Variants in TBATA observed in about 807,000 individuals in gnomAD.
TBATA encodes thymus, brain and testes associated, also known as protein TBATA.
TBATA carries 47 observed loss-of-function variants against 38.7 expected under a neutral mutation model. The observed-to-expected ratio is 1.21, with a 90% CI of 0.96 to 1.55. The LOEUF is 1.55. Ranked by LOEUF, TBATA falls within the 40% of genes most tolerant of loss-of-function variation. TBATA has a pLI of 0.00. For synonymous variants in TBATA, 183 were observed against 170.5 expected (o/e 1.07, Z -0.57); for missense variants, 436 against 435.6 (o/e 1.00, Z -0.01).
intron 6 of TBATA, 73 bp from the exon 7 acceptor site, chr10:70,777,411 G>A: frequency 1.4e-6 from 2 of 1,415,676 alleles, no homozygotes; most frequent in Non-Finnish European, 1.9e-6. Context: ...GAGGAGAGGA[G>A]CAGGAGGCCG....
chr10:70,778,904 A>G (rs1431686671), intron 5 of TBATA: 37 of 546,304 alleles, frequency 6.8e-5, no homozygotes, highest in Non-Finnish European at 1.0e-4. Context: ...TGGCATTTCT[A>G]GGGGATGCTG....
At chr10:70,777,662 G>C (rs1843601155) in intron 6 of TBATA, 3 of 403,026 alleles carry the variant, frequency 7.4e-6, no homozygotes, top group Non-Finnish European at 9.4e-6. Flanking sequence ...GCCCGCGGGT[G>C]GTTCTCGTTC....
At position 70,783,357 on chromosome 10, in the gene TBATA, G is replaced by A; in HGVS notation, c.23C>T (p.Ala8Val). 6.2e-7 allele frequency: 1 copy of A among 1,614,150 alleles called. No individual in the cohort carries two copies. The highest frequency in any genetic ancestry group is 8.5e-7 in the Non-Finnish European group (1 of 1,180,020). The stretch of plus-strand genomic sequence containing the variant: ...GCCTCACCTCATCAGTGGATAATCA[G>A]CCAATTGAACATCTGTAGCCATTGT... MATDVQLADYPLMSPKAE... is the reference protein window; with the variant it reads MATDVQLVDYPLMSPKAE... Residue 8 changes from alanine to valine, a missense_variant, in exon 3 of 11, where the codon GCT becomes GTT. Physicochemically the swap from Ala to Val is moderately conservative, Grantham distance 64. Coordinates refer to ENST00000456372, the MANE Select transcript of TBATA (RefSeq NM_001318241.2).
At chr10:70,772,719 G>T (rs1336837251) in intron 9 of TBATA, among the ~76,000 whole-genome samples, 153 bp from the exon 10 acceptor site, 2 of 152,114 alleles carry the variant, frequency 1.3e-5, no homozygotes, top group Non-Finnish European at 2.9e-5. Flanking sequence ...TGGAGGGCCA[G>T]AAAACATCTG....
intron 6 of TBATA, chr10:70,777,615 C>T: frequency 4.0e-6 from 2 of 501,780 alleles, no homozygotes; most frequent in South Asian, 4.2e-5. Flanking sequence ...AAAGCTCTTC[C>T]TCCTGGAACT....
chr10:70,775,125 C>A (rs1347729132), intron 8 of TBATA, 64 bp downstream of exon 8: 2 of 1,486,662 alleles, frequency 1.3e-6, no homozygotes, highest in African/African-American at 1.4e-5. Flanking sequence ...CCTGCAGAAC[C>A]AGAGATCAAG....
At chr10:70,775,104 G>A (rs763915869) in intron 8 of TBATA, 85 bp downstream of exon 8, 20 of 1,339,686 alleles carry the variant, frequency 1.5e-5, no homozygotes, top group Non-Finnish European at 2.1e-5. Flanking sequence ...GGAGCTGAGG[G>A]ACATTTGAGT....
chr10:70,778,686 C>T (rs67842825), intron 5 of TBATA, 50 bp from the exon 6 acceptor site: 123,642 of 1,534,636 alleles, frequency 0.081, 5,553 homozygotes, highest in African/African-American at 0.092. Context: ...GGCCCTCCTC[C>T]CCTCCCTGTG....
At chr10:70,778,403 T>G in intron 6 of TBATA, 154 bp downstream of exon 6, 1 of 788,656 alleles carries the variant, frequency 1.3e-6, no homozygotes, top group Admixed American at 1.8e-5. Context: ...CTAGGTGTGC[T>G]CTCTCCCTCA....
Position 70,779,604 on chromosome 10 carries a change from T to TG in TBATA, c.415dup (p.Gln139ProfsTer5). 1 of 1,501,090 alleles carries TG rather than the reference T, an allele frequency of 6.7e-7. No homozygotes were observed. Among genetic ancestry groups the TG allele is most frequent in the Non-Finnish European group, 8.8e-7 (1 of 1,130,892 alleles). 93.0% of individuals were successfully genotyped at this position (1,501,090 alleles called of 1,614,324 possible). On this transcript the variant is annotated frameshift_variant, in exon 5 of 11. Coordinates refer to ENST00000456372, the MANE Select transcript of TBATA (RefSeq NM_001318241.2). LOFTEE classifies it high-confidence loss of function. The stretch of plus-strand genomic sequence containing the variant: ...GCCCAAGTACCCACCAGAAGAAAGC[T>TG]GGGGGTTCCGATTAGACTGTGGGTC...
Position 70,771,243 on chromosome 10 carries a change from G to A in TBATA, c.*133C>T, listed in dbSNP as rs772409826. On this transcript the variant is annotated 3_prime_UTR_variant, in exon 11 of 11. Transcript: ENST00000456372. ...AGGAAAGCAGAACTGTCCTCTCTCAGGGAAGACGGTTTTATTTAGTAAGAG... is the reference window on the plus strand; with the variant it reads ...AGGAAAGCAGAACTGTCCTCTCTCAAGGAAGACGGTTTTATTTAGTAAGAG... The A allele has an allele frequency of 6.3e-7, 1 of 1,585,322 alleles. No individual in the cohort carries two copies. The highest frequency in any genetic ancestry group is 1.1e-5 in the South Asian group (1 of 88,068).
At chr10:70,782,153 T>C (rs778438748) in intron 3 of TBATA, 117 bp from the exon 4 acceptor site, 9 of 1,282,234 alleles carry the variant, frequency 7.0e-6, no homozygotes, top group Non-Finnish European at 9.6e-6. Flanking sequence ...GAAATCTGGT[T>C]TCCTGGGTTT....
At chr10:70,777,412 C>G in intron 6 of TBATA, 74 bp from the exon 7 acceptor site, 1 of 1,416,746 alleles carries the variant, frequency 7.1e-7, no homozygotes, top group Non-Finnish European at 9.7e-7. Flanking sequence ...AGGAGAGGAG[C>G]AGGAGGCCGG....
chr10:70,773,760 C>T (rs1047931631), intron 9 of TBATA, among the ~76,000 whole-genome samples: 6 of 152,332 alleles, frequency 3.9e-5, no homozygotes, highest in African/African-American at 1.4e-4. Flanking sequence ...TGCTCAGTGG[C>T]CTTGCTGACT....
chr10:70,781,254 A>G (rs900701634), intron 4 of TBATA, among the ~76,000 whole-genome samples: 1 of 152,160 alleles, frequency 6.6e-6, no homozygotes, highest in Non-Finnish European at 1.5e-5. Flanking sequence ...CTCAAATGTC[A>G]TGTTAATGGC....
chr10:70,774,244 G>T lies in TBATA; in HGVS notation c.889C>A (p.Pro297Thr), dbSNP rs1843100744. 1 of 1,612,402 alleles carries T rather than the reference G, an allele frequency of 6.2e-7. No individual in the cohort carries two copies. Among genetic ancestry groups the T allele is most frequent in the Non-Finnish European group, 8.5e-7 (1 of 1,179,718 alleles). ...GGTGGCTCTTGCTTCTCTTGAGGAG[G>T]TTCATGCACTTCTGGAAGCTGGCTT... is the stretch of plus-strand genomic sequence containing the variant. ...LLSQLPEVHE[P>T]PQEKQEPPCS... is the part of the protein sequence containing the mutation. The change falls in exon 9 of 11, where the codon CCT (proline) becomes ACT (threonine). Residue 297 changes from proline to threonine, a missense_variant. By Grantham distance (38) the Pro-to-Thr change is conservative. Coordinates refer to ENST00000456372, the MANE Select transcript of TBATA (RefSeq NM_001318241.2).
At chr10:70,782,581 TG>T in intron 3 of TBATA, 1 of 985,474 alleles carries the variant, frequency 1.0e-6, no homozygotes, top group South Asian at 4.7e-5. Flanking sequence ...TCTGTTCCCA[TG>T]GGGGTCCCTC....
intron 1 of TBATA, among the ~76,000 whole-genome samples, chr10:70,785,024 A>G (rs1844702508): frequency 1.3e-5 from 2 of 152,036 alleles, no homozygotes; most frequent in South Asian, 4.1e-4. Flanking sequence ...ATAAGCCACC[A>G]GGGGGTCATA....
intron 5 of TBATA, 34 bp from the exon 6 acceptor site, chr10:70,778,670 G>A: frequency 6.3e-7 from 1 of 1,599,402 alleles, no homozygotes; most frequent in Non-Finnish European, 8.6e-7. Flanking sequence ...GCCAACTGAA[G>A]TCAGGGGCCC....
Sources: allele counts gnomAD v4.1 joint callset (sites outside exome capture counted in the v4.1 genomes callset), GRCh38; gene constraint gnomAD v4.1.1; transcripts MANE v1.5; gene names NCBI Gene and HGNC (gene_info 2026-07-23, HGNC 2026-07-21).